The following ACSM1 variants were observed in gnomAD, a reference collection of about 807,000 sequenced individuals.
The protein encoded by ACSM1 is acyl-CoA synthetase medium chain family member 1.
A neutral mutation model predicts 75.8 loss-of-function variants in ACSM1; 79 were observed. The ratio of observed to expected loss-of-function variants is 1.04; its 90% CI spans 0.87 to 1.26. The LOEUF is 1.26. ACSM1 is among the 50% of genes most tolerant of loss of function. ACSM1 has a pLI of 0.00. For synonymous variants in ACSM1, 279 were observed against 265.8 expected (o/e 1.05, Z -0.48); for missense variants, 676 against 720.1 (o/e 0.94, Z 0.70).
At chr16:20,633,824 A>G (rs2017494488) in intron 10 of ACSM1, among the ~76,000 whole-genome samples, 1 of 152,192 alleles carries the variant, frequency 6.6e-6, no homozygotes, top group Admixed American at 6.5e-5. Flanking sequence ...GGAGGCCAGG[A>G]GTTCAAAACA....
chr16:20,687,322 G>A (rs1371144121), intron 2 of ACSM1, among the ~76,000 whole-genome samples: 1 of 152,128 alleles, frequency 6.6e-6, no homozygotes, highest in Non-Finnish European at 1.5e-5. Flanking sequence ...AAGCAAGGAA[G>A]AGACTTTTAG....
chr16:20,674,157 T>A (rs1170665340), intron 4 of ACSM1: 1 of 426,384 alleles, frequency 2.3e-6, no homozygotes, highest in Non-Finnish European at 4.7e-6. Context: ...CTCAGTTGTA[T>A]GTAAGAAAAC....
Position 20,685,290 on chromosome 16 carries a change from G to A in ACSM1, c.306C>T (p.Phe102=), listed in dbSNP as rs768165014. ...GDLTRRVANV[F]TQTCGLQQGD... is the part of the protein sequence containing the mutation. ...CCTGTTGTAGGCCACAGGTCTGTGT[G>A]AAGACGTTGGCTACACGGCGGGTTA... The change falls in exon 3 of 14, where the codon TTC becomes TTT. Residue 102 remains phenylalanine, a synonymous_variant. Transcript: ENST00000520010. The A allele has an allele frequency of 6.8e-6, 11 of 1,614,210 alleles. No homozygotes were observed. Among genetic ancestry groups the A allele is most frequent in the Middle Eastern group, 1.6e-4 (1 of 6,062 alleles).
At chr16:20,676,125 C>G (rs138924350) in intron 4 of ACSM1, 58 of 152,310 alleles carry the variant, frequency 3.8e-4, no homozygotes, top group African/African-American at 1.4e-3. Context: ...CCAGTCTCAC[C>G]TGAGAAGGAG....
At chr16:20,690,858 G>T in intron 2 of ACSM1, 139 bp downstream of exon 2, 1 of 783,610 alleles carries the variant, frequency 1.3e-6, no homozygotes, top group Non-Finnish European at 1.9e-6. Flanking sequence ...ATAGAACCTT[G>T]AAATATAAGC....
intron 11 of ACSM1, among the ~76,000 whole-genome samples, chr16:20,625,980 A>G (rs1219289041): frequency 6.6e-6 from 1 of 152,230 alleles, no homozygotes; most frequent in African/African-American, 2.4e-5. Context: ...ACTCAAGCAC[A>G]CTAGCATATC....
chr16:20,696,639 C>T (rs1027736970), intron 1 of ACSM1, among the ~76,000 whole-genome samples: 2 of 152,206 alleles, frequency 1.3e-5, no homozygotes, highest in Admixed American at 6.5e-5. Context: ...CCTATGAAAT[C>T]ATTTTAAAGA....
chr16:20,680,694 CA>C (rs1170377222), intron 4 of ACSM1: 1 of 152,138 alleles, frequency 6.6e-6, no homozygotes, highest in Non-Finnish European at 1.5e-5. Flanking sequence ...AGACTAAAAA[CA>C]AAACTCTATG....
rs551862219 is a variant in ACSM1 at position 20,689,676 on chromosome 16, T to C, written c.192+1321A>G. The stretch of plus-strand genomic sequence containing the variant: ...ATTTTGAAAAACAAAATTGCATTTA[T>C]ATTACTCAAATTTATATAGTAATGT... On this transcript the variant is annotated intron_variant, in intron 2 of 13. Transcript: ENST00000520010. 9.8e-5 allele frequency among the ~76,000 whole-genome samples: 15 copies of C among 152,372 alleles called. 1 individual carries two copies. The highest frequency in any genetic ancestry group is 3.4e-4 in the African/African-American group (14 of 41,600).
At chr16:20,662,782 C>G (rs1400907296) in intron 6 of ACSM1, among the ~76,000 whole-genome samples, 1 of 152,112 alleles carries the variant, frequency 6.6e-6, no homozygotes, top group African/African-American at 2.4e-5. Flanking sequence ...TTTAATATCT[C>G]ACATTTATAT....
chr16:20,640,609 C>G, intron 7 of ACSM1, 25 bp from the exon 8 acceptor site: 1 of 1,613,974 alleles, frequency 6.2e-7, no homozygotes, highest in South Asian at 1.1e-5. Flanking sequence ...AGGTGCCAGG[C>G]ATTGGTGAGC....
intron 7 of ACSM1, among the ~76,000 whole-genome samples, chr16:20,644,472 C>T (rs1316171842): frequency 3.3e-5 from 5 of 151,058 alleles, no homozygotes; most frequent in African/African-American, 7.3e-5. Context: ...TACAGAGGAC[C>T]GACAAGACCT....
At chr16:20,642,331 T>G (rs948293827) in intron 7 of ACSM1, among the ~76,000 whole-genome samples, 1 of 152,198 alleles carries the variant, frequency 6.6e-6, no homozygotes. Context: ...CATGTTTTAC[T>G]AACCCATCAG....
At chr16:20,686,793 G>T (rs2152325503) in intron 2 of ACSM1, among the ~76,000 whole-genome samples, 1 of 141,912 alleles carries the variant, frequency 7.0e-6, no homozygotes, top group South Asian at 2.4e-4. Flanking sequence ...GACAGAATGA[G>T]ACCCTGTCTC....
At chr16:20,642,087 G>C (rs1243119768) in intron 7 of ACSM1, among the ~76,000 whole-genome samples, 1 of 152,134 alleles carries the variant, frequency 6.6e-6, no homozygotes, top group Non-Finnish European at 1.5e-5. Context: ...TGGATGAATG[G>C]GAGAGAAATT....
At chr16:20,681,711 A>G (rs1213313379) in intron 4 of ACSM1, 3 of 153,978 alleles carry the variant, frequency 1.9e-5, no homozygotes, top group African/African-American at 7.2e-5. Context: ...AAAAAGCAAC[A>G]AAGGGGGGAA....
chr16:20,637,281 G>C (rs368073645), intron 9 of ACSM1, 90 bp downstream of exon 9: 781 of 989,954 alleles, frequency 7.9e-4, no homozygotes, highest in South Asian at 1.5e-3. Context: ...ACTGGAGCAG[G>C]GAAGTGCGGC....
At position 20,682,379 on chromosome 16, in the gene ACSM1, A is replaced by G. The variant is rs1256929295; in HGVS notation, c.488T>C (p.Val163Ala). The change falls in exon 4 of 14, where the codon GTG (valine) becomes GCG (alanine). Residue 163 changes from valine to alanine, a missense_variant. Coordinates refer to ENST00000520010, the MANE Select transcript of ACSM1 (RefSeq NM_001318890.3). Reference protein sequence around the residue: ...RLQLSKAKGIVTIDALASEVD... With the variant: ...RLQLSKAKGIATIDALASEVD... ...CTCTGAGGCAAGGGCATCTATGGTC[A>G]CAATGCCCTTGGCTTTAGACAACTG... is the stretch of plus-strand genomic sequence containing the variant. The G allele has an allele frequency of 1.9e-6, 3 of 1,614,040 alleles. No homozygotes were observed. The highest frequency in any genetic ancestry group is 2.5e-6 in the Non-Finnish European group (3 of 1,179,902).
At chr16:20,657,299 G>GTTTTGTT (rs970919151) in intron 7 of ACSM1, among the ~76,000 whole-genome samples, 2 of 149,536 alleles carry the variant, frequency 1.3e-5, no homozygotes, top group Admixed American at 1.3e-4. Context: ...TGTTTTTTTG[G>GTTTTGTT]TTTTGTTTTT....
Sources: gnomAD v4.1 joint callset for allele counts (sites outside exome capture counted in the v4.1 genomes callset) on GRCh38, gnomAD v4.1.1 for gene constraint, MANE v1.5 for transcripts, NCBI Gene and HGNC (gene_info 2026-07-23, HGNC 2026-07-21) for gene names.